FAT3: variants seen among roughly 807,000 people sequenced by gnomAD.
FAT3 encodes FAT atypical cadherin 3, also known as protocadherin Fat 3.
A neutral mutation model predicts 310.2 loss-of-function variants in FAT3; 95 were observed. The observed-to-expected ratio is 0.31, with a 90% CI of 0.26 to 0.36. The LOEUF (loss-of-function observed/expected upper bound fraction) is 0.36, where lower values mean the gene tolerates loss of function less well. FAT3 is among the 10% of genes least tolerant of loss of function. The probability of loss-of-function intolerance (pLI) is 1.00; values close to 1 mark genes in which losing one functional copy is unlikely to be tolerated. For missense variants in FAT3, 5,408 were observed against 5,715.6 expected (o/e 0.95, Z 1.74); for synonymous variants, 2,314 against 2,192.9 (o/e 1.06, Z -1.54).
chr11:92,302,466 A>T lies in FAT3; in HGVS notation c.-17-49630A>T, dbSNP rs1232802287. Among the ~76,000 whole-genome samples the T allele has an allele frequency of 4.7e-5, 7 of 149,554 alleles. No homozygotes were observed. The Admixed American group carries it at 4.7e-4, about 10-fold the overall frequency. ...ATTCAAAAGGTTGTTTTATTTCCTA[A>T]TTTTTTTTTTCTTTCAGCCTTGGCA... is the stretch of plus-strand genomic sequence containing the variant. On this transcript the variant is annotated intron_variant, in intron 1 of 27. Transcript: ENST00000525166.
chr11:92,705,806 TTGGTGGTGGTGTGATGGTGGTGGTGA>T (rs1944317139), intron 4 of FAT3, among the ~76,000 whole-genome samples: 3 of 4,770 alleles, frequency 6.3e-4, no homozygotes, highest in African/African-American at 9.1e-4. Context: ...GGTGTTGGTG[TTGGTGGTGGTGTGATGGTGGTGGTGA>T]TGGTGGTGGT....
intron 7 of FAT3, among the ~76,000 whole-genome samples, chr11:92,774,525 A>G (rs1946546738): frequency 6.6e-6 from 1 of 152,210 alleles, no homozygotes; most frequent in South Asian, 2.1e-4. Context: ...ACACCATGTT[A>G]TTCTTTACCT....
chr11:92,360,020 G>C (rs1055438733), intron 2 of FAT3, among the ~76,000 whole-genome samples: 4 of 151,532 alleles, frequency 2.6e-5, no homozygotes, highest in Admixed American at 6.6e-5. Flanking sequence ...GGGTCAAATG[G>C]TATTTCTAGT....
In FAT3 at chr11:92,276,861, A is replaced by G. The variant is rs116172399; in HGVS notation, c.-18+51687A>G. On this transcript the variant is annotated intron_variant, in intron 1 of 27. Coordinates refer to ENST00000525166, the MANE Select transcript of FAT3 (RefSeq NM_001367949.2). ...CTAACTGGTATAACCTCGTAGGACA[A>G]TCTTATTTTTAATAACATAATTTCC... Among the ~76,000 whole-genome samples, 882 of 152,254 alleles carry G rather than the reference A, an allele frequency of 5.8e-3. 11 individuals carry two copies. The highest frequency in any genetic ancestry group is 0.021 in the African/African-American group (860 of 41,574).
rs1281864842 is a variant in FAT3, at chr11:92,892,092, A to T, written c.*979A>T. 6.6e-6 allele frequency: 1 copy of T among 152,214 alleles called. No individual in the cohort carries two copies. Among genetic ancestry groups the T allele is most frequent in the Non-Finnish European group, 1.5e-5 (1 of 68,040 alleles). The allele number at this position is 152,214 out of a possible 1,614,324, so 9.4% of individuals were successfully genotyped here. A position where few individuals can be genotyped will look rare whatever the true frequency, so the allele number is the denominator to read the frequency against. On this transcript the variant is annotated 3_prime_UTR_variant, in exon 28 of 28. Transcript: ENST00000525166. ...ATAATGCAGAGGAAAGGTGTCTGTT[A>T]TTCTAAATCGGTAGCATCACCATTA...
intron 24 of FAT3, among the ~76,000 whole-genome samples, chr11:92,884,269 G>A (rs1949748177): frequency 6.6e-6 from 1 of 152,156 alleles, no homozygotes; most frequent in Non-Finnish European, 1.5e-5. Flanking sequence ...TAAGTGACTG[G>A]CATGATAATT....
chr11:92,560,857 A>G (rs910162361), intron 3 of FAT3, among the ~76,000 whole-genome samples: 5 of 152,178 alleles, frequency 3.3e-5, no homozygotes, highest in African/African-American at 9.7e-5. Context: ...ATCTGATCCT[A>G]TACTTCTTTT....
chr11:92,859,273 G>T lies in FAT3; in HGVS notation c.11609G>T (p.Ser3870Ile). 1 of 1,613,412 alleles carries T rather than the reference G, an allele frequency of 6.2e-7. No homozygotes were observed. Among genetic ancestry groups the T allele is most frequent in the Non-Finnish European group, 8.5e-7 (1 of 1,179,670 alleles). The change falls in exon 21 of 28, where the codon AGC (serine) becomes ATC (isoleucine). Residue 3870 changes from serine to isoleucine, a missense_variant. Ser to Ile is a moderately radical substitution (Grantham distance 142). This residue lies in a region of FAT3 where 4,588 missense variants were observed against 4,809.8 expected (regional missense o/e 0.95). Transcript: ENST00000525166. ...GCTCTGCGTCTTCGAACACTGCAAA[G>T]CAATGGGATTATAATGTACACCAGA... The part of the protein sequence containing the change: ...KLALRLRTLQ[S>I]NGIIMYTRAN...
At position 92,806,506 on chromosome 11, in the gene FAT3, C is replaced by A; in HGVS notation, c.9238C>A (p.Pro3080Thr). The A allele has an allele frequency of 6.5e-7, 1 of 1,542,204 alleles. No homozygotes were observed. Among genetic ancestry groups the A allele is most frequent in the East Asian group, 2.3e-5 (1 of 42,748 alleles). ...GSGNSEFFLD[P>T]ESGELKTLAL... ...TGGAAACAGTGAATTTTTTCTAGATCCAGAAAGTGGTAAGCTAAAATTTAT... is the reference window on the plus strand; with the variant it reads ...TGGAAACAGTGAATTTTTTCTAGATACAGAAAGTGGTAAGCTAAAATTTAT... Residue 3080 changes from proline (P) to threonine (T), a missense_variant, in exon 12 of 28, where the codon CCA becomes ACA. Transcript: ENST00000525166.
intron 3 of FAT3, among the ~76,000 whole-genome samples, chr11:92,527,602 G>C (rs1953911501): frequency 6.6e-6 from 1 of 152,172 alleles, no homozygotes; most frequent in Admixed American, 6.5e-5. Flanking sequence ...TTTCTAATGA[G>C]ATTCACAGAA....
At chr11:92,731,501 C>T (rs1019354302) in intron 4 of FAT3, among the ~76,000 whole-genome samples, 3 of 152,204 alleles carry the variant, frequency 2.0e-5, no homozygotes, top group African/African-American at 7.2e-5. Flanking sequence ...CAGAATACCA[C>T]AGAGATACAG....
Position 92,649,757 on chromosome 11 carries a change from G to A in FAT3, c.3608-47627G>A, listed in dbSNP as rs1942299155. Among the ~76,000 whole-genome samples the A allele has an allele frequency of 2.6e-5, 4 of 151,894 alleles. No individual in the cohort carries two copies. In the South Asian group the frequency reaches 8.3e-4, roughly 32 times the overall value. ...CTGCCTTAGGTACGTTCTTATGTCA[G>A]CGATCTAGATATTAGATGGTGAGAG... On this transcript the variant is annotated intron_variant, in intron 3 of 27. Coordinates refer to ENST00000525166, the MANE Select transcript of FAT3 (RefSeq NM_001367949.2).
At chr11:92,322,093 T>G (rs539742331) in intron 1 of FAT3, among the ~76,000 whole-genome samples, 1 of 152,244 alleles carries the variant, frequency 6.6e-6, no homozygotes, top group Non-Finnish European at 1.5e-5. Context: ...AACATGAATG[T>G]AAGATAATGA....
intron 1 of FAT3, among the ~76,000 whole-genome samples, chr11:92,277,114 A>G (rs930635848): frequency 6.6e-5 from 10 of 152,116 alleles, no homozygotes; most frequent in African/African-American, 2.4e-4. Context: ...TTGTACTTAT[A>G]TATTTTAATT....
intron 2 of FAT3, among the ~76,000 whole-genome samples, chr11:92,454,883 G>A (rs7927669): frequency 0.13 from 19,415 of 152,030 alleles, 1,997 homozygotes; most frequent in African/African-American, 0.28. Context: ...GGCATCATCT[G>A]TTTTAATCCT....
intron 2 of FAT3, among the ~76,000 whole-genome samples, chr11:92,446,682 AT>A (rs1391168612): frequency 6.6e-6 from 1 of 152,174 alleles, no homozygotes; most frequent in Non-Finnish European, 1.5e-5. Flanking sequence ...TCTGTAATAC[AT>A]GTTTCCACGC....
At chr11:92,342,398 G>C (rs1029121150) in intron 1 of FAT3, among the ~76,000 whole-genome samples, 1 of 152,080 alleles carries the variant, frequency 6.6e-6, no homozygotes, top group African/African-American at 2.4e-5. Flanking sequence ...TTCTGCTTTC[G>C]TATCTTCCGA....
chr11:92,440,483 C>A (rs150363619), intron 2 of FAT3, among the ~76,000 whole-genome samples: 26 of 152,230 alleles, frequency 1.7e-4, no homozygotes, highest in African/African-American at 5.1e-4. Context: ...TTCCAGAGTG[C>A]CCTGAATAGT....
Position 92,524,779 on chromosome 11 carries a change from G to T in FAT3, c.3438G>T (p.Pro1146=). Residue 1146 remains proline (P), a synonymous_variant, in exon 3 of 28, where the codon CCG becomes CCT. Coordinates refer to ENST00000525166, the MANE Select transcript of FAT3 (RefSeq NM_001367949.2). ...IEVEDVNDNA[P]LTSEPIYYPV... is the part of the protein sequence containing the mutation. ...TTGAAGATGTGAATGACAATGCCCC[G>T]CTGACCTCAGAACCTATATATTATC... 1 of 1,613,678 alleles carries T rather than the reference G, an allele frequency of 6.2e-7. No individual in the cohort carries two copies. Among genetic ancestry groups the T allele is most frequent in the Non-Finnish European group, 8.5e-7 (1 of 1,179,788 alleles).
Sources: allele counts gnomAD v4.1 joint callset (sites outside exome capture counted in the v4.1 genomes callset), GRCh38; gene constraint gnomAD v4.1.1; regional missense constraint gnomAD v4.1.1; transcripts MANE v1.5; gene names NCBI Gene and HGNC (gene_info 2026-07-23, HGNC 2026-07-21).